Variants in KCNN2 observed in about 807,000 individuals in gnomAD.
KCNN2 encodes small conductance calcium-activated potassium channel protein 2.
KCNN2 carries 24 observed loss-of-function variants against 55.5 expected under a neutral mutation model. That is an observed-to-expected ratio of 0.43 (90% CI 0.31 to 0.61). The LOEUF is 0.61. Among genes scored for constraint, KCNN2 ranks in the 20% least tolerant of loss-of-function variants. The pLI is 0.08. For missense variants in KCNN2, 754 were observed against 853.6 expected (o/e 0.88, Z 1.45); for synonymous variants, 431 against 336.1 (o/e 1.28, Z -3.09).
intron 5 of KCNN2, among the ~76,000 whole-genome samples, chr5:114,477,801 T>A (rs1762038233): frequency 6.6e-6 from 1 of 152,170 alleles, no homozygotes; most frequent in South Asian, 2.1e-4. Flanking sequence ...TTTTTAAAGT[T>A]GCTAGATACC....
intron 6 of KCNN2, among the ~76,000 whole-genome samples, chr5:114,487,425 A>G (rs1018196203): frequency 6.6e-6 from 1 of 152,180 alleles, no homozygotes; most frequent in Admixed American, 6.6e-5. Context: ...TCTTTTTAGA[A>G]TAACTTCTGC....
At chr5:114,442,677 G>C (rs540601890) in intron 3 of KCNN2, among the ~76,000 whole-genome samples, 2 of 152,258 alleles carry the variant, frequency 1.3e-5, no homozygotes, top group African/African-American at 2.4e-5. Context: ...CCATAAACCT[G>C]CCCCTCGGGT....
At chr5:114,323,614 G>A (rs939028488) in intron 2 of KCNN2, among the ~76,000 whole-genome samples, 1 of 139,528 alleles carries the variant, frequency 7.2e-6, no homozygotes, top group Non-Finnish European at 1.5e-5. Context: ...ACCATGTTTA[G>A]TATAGAGAAT....
intron 1 of KCNN2, among the ~76,000 whole-genome samples, chr5:114,147,365 A>T (rs746569952): frequency 6.6e-6 from 1 of 152,180 alleles, no homozygotes; most frequent in Non-Finnish European, 1.5e-5. Flanking sequence ...AGGGACCACA[A>T]TAATGTTTGG....
chr5:114,417,357 G>T (rs115532671), intron 3 of KCNN2, among the ~76,000 whole-genome samples: 3 of 152,120 alleles, frequency 2.0e-5, no homozygotes, highest in Non-Finnish European at 4.4e-5. Context: ...CTACTATTTA[G>T]TAAGGTGTTT....
rs1761115539 is a variant in KCNN2, at chr5:114,459,921, G to A, written c.1638-3128G>A. ...TGGCAAATAAGGATGGAAGAAATTT[G>A]TCTATCTAAGATTTGAGCATTTGTT... On this transcript the variant is annotated intron_variant, in intron 3 of 7. Transcript: ENST00000673685. Among the ~76,000 whole-genome samples, 4 of 152,266 alleles carry A rather than the reference G, an allele frequency of 2.6e-5. No homozygotes were observed. In the South Asian group the frequency reaches 8.3e-4, roughly 32 times the overall value.
intron 1 of KCNN2, among the ~76,000 whole-genome samples, chr5:114,077,934 A>G (rs1016040959): frequency 2.0e-4 from 31 of 152,086 alleles, no homozygotes; most frequent in Admixed American, 2.0e-3. Flanking sequence ...AGACAAATGT[A>G]TTTGTCTTAG....
chr5:114,202,569 A>ATATATG (rs1753693850), intron 1 of KCNN2, among the ~76,000 whole-genome samples: 1 of 81,094 alleles, frequency 1.2e-5, no homozygotes, highest in South Asian at 4.4e-4. Flanking sequence ...ATGTGTGTGT[A>ATATATG]TATATATATA....
Position 114,060,592 on chromosome 5 carries a change from G to A in KCNN2, c.-271+4092G>A, listed in dbSNP as rs546853857. Among the ~76,000 whole-genome samples, 3 of 152,326 alleles carry A rather than the reference G, an allele frequency of 2.0e-5. No individual in the cohort carries two copies. The South Asian group carries it at 6.2e-4, about 32-fold the overall frequency. ...CCCTTTCCTCAGACAGCTGAGTATG[G>A]CATTGCTTAACAATGTAGGCTTTGG... On this transcript the variant is annotated intron_variant, in intron 1 of 10. Transcript: ENST00000512097.
intron 1 of KCNN2, among the ~76,000 whole-genome samples, chr5:114,187,389 G>A (rs781591878): frequency 6.6e-5 from 10 of 151,982 alleles, no homozygotes; most frequent in Non-Finnish European, 1.3e-4. Flanking sequence ...CTTCCTGAAA[G>A]GAGAGAAAAA....
chr5:114,490,685 A>AT, intron 6 of KCNN2: 1 of 398,144 alleles, frequency 2.5e-6, no homozygotes, highest in East Asian at 3.6e-5. Context: ...AACAAAATGA[A>AT]AATAGAGCTC....
At chr5:114,185,047 A>G (rs1346991218) in intron 1 of KCNN2, among the ~76,000 whole-genome samples, 1 of 152,202 alleles carries the variant, frequency 6.6e-6, no homozygotes, top group Non-Finnish European at 1.5e-5. Flanking sequence ...CCTTTATTTC[A>G]GGTTTTAGAA....
At chr5:114,478,692 C>T (rs1243827861) in intron 5 of KCNN2, among the ~76,000 whole-genome samples, 1 of 152,136 alleles carries the variant, frequency 6.6e-6, no homozygotes, top group Non-Finnish European at 1.5e-5. Flanking sequence ...GTCTGACTAA[C>T]AGTAGACCCC....
intron 2 of KCNN2, among the ~76,000 whole-genome samples, chr5:114,383,464 CTTTTTTT>C (rs66787954): frequency 9.7e-6 from 1 of 102,696 alleles, no homozygotes; most frequent in Non-Finnish European, 1.8e-5. Context: ...CCACTAAATG[CTTTTTTT>C]TTTTTTTTTT....
chr5:114,318,281 A>G lies in KCNN2; in HGVS notation c.-184-42664A>G, dbSNP rs553950188. Among the ~76,000 whole-genome samples, 324 of 152,260 alleles carry G rather than the reference A, an allele frequency of 2.1e-3. 1 individual carries two copies. The highest frequency in any genetic ancestry group is 0.01 in the Middle Eastern group (3 of 294). On this transcript the variant is annotated intron_variant, in intron 2 of 10. Coordinates refer to the KCNN2 transcript ENST00000512097. ...AGTGCCCTACCTTCAGATTTTACCCATACTTTATTTTGGAATATTATCAAA... is the reference window on the plus strand; with the variant it reads ...AGTGCCCTACCTTCAGATTTTACCCGTACTTTATTTTGGAATATTATCAAA...
exon 1 of KCNN2, chr5:114,056,213 G>C (rs892348572): frequency 1.0e-5 from 4 of 394,960 alleles, no homozygotes; most frequent in African/African-American, 8.2e-5. Flanking sequence ...GCCCGCGCCC[G>C]CGCCCCGGAG....
intron 1 of KCNN2, among the ~76,000 whole-genome samples, chr5:114,170,634 T>A (rs1164662622): frequency 6.6e-6 from 1 of 152,054 alleles, no homozygotes; most frequent in African/African-American, 2.4e-5. Flanking sequence ...ACTTTCCATA[T>A]GTTGAAAGTT....
At chr5:114,129,142 CTTTG>C (rs1029054354) in intron 1 of KCNN2, among the ~76,000 whole-genome samples, 2 of 152,296 alleles carry the variant, frequency 1.3e-5, no homozygotes, top group Non-Finnish European at 1.5e-5. Flanking sequence ...TAGCAGTTGT[CTTTG>C]TTTGTGGGAT....
At chr5:114,438,943 T>C (rs1174356574) in intron 3 of KCNN2, among the ~76,000 whole-genome samples, 2 of 152,202 alleles carry the variant, frequency 1.3e-5, no homozygotes, top group African/African-American at 4.8e-5. Context: ...TGTGGTGTCA[T>C]TATAAAATAT....
Sources: gnomAD v4.1 joint callset for allele counts (sites outside exome capture counted in the v4.1 genomes callset) on GRCh38, gnomAD v4.1.1 for gene constraint, MANE v1.5 for transcripts, NCBI Gene and HGNC (gene_info 2026-07-23, HGNC 2026-07-21) for gene names.